The following TCF12 variants were observed in gnomAD, a reference collection of about 807,000 sequenced individuals.
TCF12 encodes transcription factor 12, also known as DNA-binding protein HTF4.
In TCF12, 45 loss-of-function variants were observed where a neutral mutation model predicts 86.0. That is an observed-to-expected ratio of 0.52 (90% CI 0.41 to 0.67). The LOEUF (loss-of-function observed/expected upper bound fraction) is 0.67, where lower values mean the gene tolerates loss of function less well. TCF12 is among the 30% of genes least tolerant of loss of function. The probability of loss-of-function intolerance (pLI) is 0.00; values close to 1 mark genes in which losing one functional copy is unlikely to be tolerated. For synonymous variants in TCF12, 330 were observed against 299.6 expected, an observed-to-expected ratio of 1.10 and a Z score of -1.05; for missense variants, 881 against 859.9, an observed-to-expected ratio of 1.02 and a Z score of -0.31.
intron 3 of TCF12, among the ~76,000 whole-genome samples, chr15:56,952,040 GT>G (rs2061299471): frequency 6.6e-6 from 1 of 152,080 alleles, no homozygotes; most frequent in African/African-American, 2.4e-5. Flanking sequence ...ATGGATTGAA[GT>G]TTTTTTGTGT....
At chr15:56,942,698 A>G (rs1595781740) in intron 3 of TCF12, among the ~76,000 whole-genome samples, 1 of 152,176 alleles carries the variant, frequency 6.6e-6, no homozygotes, top group South Asian at 2.1e-4. Flanking sequence ...AAATAGTATA[A>G]AAGCATTGAG....
chr15:57,141,330 A>G (rs954685930), intron 5 of TCF12, among the ~76,000 whole-genome samples: 13 of 152,208 alleles, frequency 8.5e-5, no homozygotes, highest in African/African-American at 3.1e-4. Flanking sequence ...GCAGGCATTA[A>G]CTAACCATTC....
intron 3 of TCF12, among the ~76,000 whole-genome samples, chr15:56,987,874 A>G (rs565457474): frequency 4.6e-5 from 7 of 152,328 alleles, no homozygotes; most frequent in South Asian, 2.1e-4. Context: ...GAAATAAACC[A>G]TATAGGAAAG....
chr15:57,155,272 C>T (rs1351943599), intron 5 of TCF12, among the ~76,000 whole-genome samples: 3 of 152,094 alleles, frequency 2.0e-5, no homozygotes, highest in Non-Finnish European at 4.4e-5. Context: ...CACACTGTGA[C>T]CTGAATTTAC....
intron 4 of TCF12, among the ~76,000 whole-genome samples, chr15:57,079,550 A>ATTT (rs774977276): frequency 3.3e-5 from 5 of 152,228 alleles, no homozygotes; most frequent in Non-Finnish European, 7.3e-5. Flanking sequence ...CAATTGACGT[A>ATTT]AGATACGAGT....
At chr15:57,243,638 A>G in intron 13 of TCF12, 88 bp downstream of exon 13, 1 of 1,194,128 alleles carries the variant, frequency 8.4e-7, no homozygotes, top group Non-Finnish European at 1.2e-6. Context: ...TTTAATAAAA[A>G]TTTGTGAAAA....
chr15:57,239,841 A>C (rs2591069), intron 12 of TCF12, among the ~76,000 whole-genome samples: 151,673 of 152,148 alleles, frequency 1, 75,601 homozygotes, highest in Middle Eastern at 1. Flanking sequence ...GGTGGTGATA[A>C]AAAATTTGGG....
At chr15:56,934,824 G>C (rs1361197398) in intron 3 of TCF12, among the ~76,000 whole-genome samples, 1 of 152,146 alleles carries the variant, frequency 6.6e-6, no homozygotes, top group Non-Finnish European at 1.5e-5. Flanking sequence ...CAGTGTACTT[G>C]TGGCCTTCAT....
At chr15:56,964,326 G>A (rs903727692) in intron 3 of TCF12, among the ~76,000 whole-genome samples, 9 of 152,074 alleles carry the variant, frequency 5.9e-5, no homozygotes, top group Admixed American at 1.3e-4. Context: ...ATTTGGTATC[G>A]CTTAAAAACT....
chr15:57,067,014 C>A (rs1055381386), intron 4 of TCF12, among the ~76,000 whole-genome samples: 1 of 152,148 alleles, frequency 6.6e-6, no homozygotes, highest in Non-Finnish European at 1.5e-5. Context: ...ATGTATTAAG[C>A]GGTCACAAAC....
chr15:56,965,374 G>C (rs1325919504), intron 3 of TCF12, among the ~76,000 whole-genome samples: 1 of 152,060 alleles, frequency 6.6e-6, no homozygotes, highest in Non-Finnish European at 1.5e-5. Flanking sequence ...CAACACTACT[G>C]TATGCAAATG....
intron 6 of TCF12, among the ~76,000 whole-genome samples, chr15:57,190,110 T>C (rs1224101210): frequency 6.6e-6 from 1 of 152,180 alleles, no homozygotes; most frequent in Non-Finnish European, 1.5e-5. Flanking sequence ...TTAATGGATC[T>C]GGAATTTCGT....
intron 4 of TCF12, among the ~76,000 whole-genome samples, chr15:57,090,938 C>G (rs1327933805): frequency 6.6e-6 from 1 of 152,136 alleles, no homozygotes; most frequent in Non-Finnish European, 1.5e-5. Context: ...CAGGTTTCAT[C>G]ACGTAGTAAT....
intron 6 of TCF12, among the ~76,000 whole-genome samples, chr15:57,171,800 C>A (rs1299853822): frequency 6.6e-6 from 1 of 152,134 alleles, no homozygotes; most frequent in African/African-American, 2.4e-5. Flanking sequence ...AGCATAGAAG[C>A]CAGTGTCTTT....
At chr15:57,151,528 A>T (rs558096938) in intron 5 of TCF12, among the ~76,000 whole-genome samples, 50 of 152,210 alleles carry the variant, frequency 3.3e-4, no homozygotes, top group South Asian at 8.3e-4. Flanking sequence ...GCACGTTGAG[A>T]GGCCAAGGAG....
At chr15:56,919,769 G>C in intron 1 of TCF12, 123 bp from the exon 2 acceptor site, 2 of 769,144 alleles carry the variant, frequency 2.6e-6, no homozygotes, top group South Asian at 1.9e-5. Context: ...AGCGAGTCGG[G>C]GTCCTGGAAG....
intron 6 of TCF12, among the ~76,000 whole-genome samples, chr15:57,182,843 C>G (rs952273875): frequency 9.9e-5 from 15 of 151,962 alleles, no homozygotes; most frequent in African/African-American, 3.1e-4. Flanking sequence ...AATATGTGTT[C>G]TATAGTCATC....
intron 7 of TCF12, among the ~76,000 whole-genome samples, chr15:57,193,284 A>G (rs909787882): frequency 3.3e-5 from 5 of 152,340 alleles, no homozygotes; most frequent in African/African-American, 9.6e-5. Context: ...TAAATTTACC[A>G]TATTAAGTTG....
chr15:56,936,748 C>G (rs1268726253), intron 3 of TCF12, among the ~76,000 whole-genome samples: 3 of 152,096 alleles, frequency 2.0e-5, no homozygotes, highest in Non-Finnish European at 4.4e-5. Flanking sequence ...CCTTTCCCCA[C>G]TTTAGTTTTT....
Sources: allele counts gnomAD v4.1 joint callset (sites outside exome capture counted in the v4.1 genomes callset), GRCh38; gene constraint gnomAD v4.1.1; transcripts MANE v1.5; gene names NCBI Gene and HGNC (gene_info 2026-07-23, HGNC 2026-07-21).